Variants in NPHP1 observed in about 807,000 individuals in gnomAD.
NPHP1 encodes the protein nephrocystin 1.
A neutral mutation model predicts 90.4 loss-of-function variants in NPHP1; 70 were observed. The ratio of observed to expected loss-of-function variants is 0.77; its 90% CI spans 0.64 to 0.95. The LOEUF (loss-of-function observed/expected upper bound fraction) is 0.95. Ranked by LOEUF, NPHP1 falls within the 40% of genes least tolerant of loss-of-function variation. NPHP1 has a pLI of 0.00. For missense variants in NPHP1, 764 were observed against 795.9 expected, an observed-to-expected ratio of 0.96 and a Z score of 0.48; for synonymous variants, 256 against 271.7, an observed-to-expected ratio of 0.94 and a Z score of 0.57.
intron 11 of NPHP1, 95 bp downstream of exon 11, chr2:110,160,032 T>G: frequency 7.3e-7 from 1 of 1,363,642 alleles, no homozygotes; most frequent in Non-Finnish European, 1.0e-6. Context: ...AAAAATACTC[T>G]CTTGGGAATT....
intron 10 of NPHP1, among the ~76,000 whole-genome samples, chr2:110,160,611 G>C (rs1448607303): frequency 2.0e-5 from 3 of 152,134 alleles, no homozygotes; most frequent in Non-Finnish European, 4.4e-5. Flanking sequence ...GGCTAACGCA[G>C]CATAAAACCA....
intron 4 of NPHP1, among the ~76,000 whole-genome samples, chr2:110,174,200 T>C (rs936524650): frequency 6.6e-6 from 1 of 152,140 alleles, no homozygotes. Flanking sequence ...TTTGTTGTAA[T>C]TGGAGTGTTA....
At chr2:110,177,611 A>C (rs1483526602) in intron 4 of NPHP1, among the ~76,000 whole-genome samples, 2 of 152,080 alleles carry the variant, frequency 1.3e-5, no homozygotes, top group Non-Finnish European at 2.9e-5. Context: ...ACAATCCAAA[A>C]CTGAAGATAC....
chr2:110,127,286 A>G (rs1006654819), intron 18 of NPHP1: 2 of 152,176 alleles, frequency 1.3e-5, no homozygotes, highest in Non-Finnish European at 2.9e-5. Flanking sequence ...CCACTGATCC[A>G]TGCTGGATAC....
At chr2:110,181,412 G>T (rs1366277226) in intron 2 of NPHP1, among the ~76,000 whole-genome samples, 1 of 152,120 alleles carries the variant, frequency 6.6e-6, no homozygotes, top group African/African-American at 2.4e-5. Context: ...GTACTCTCCT[G>T]GGACAGAGCT....
chr2:110,124,776 A>G (rs932948320), intron 19 of NPHP1: 2 of 175,090 alleles, frequency 1.1e-5, no homozygotes, highest in African/African-American at 4.8e-5. Flanking sequence ...AGGCTGCTGT[A>G]CTAGAATAGC....
chr2:110,170,563 G>A (rs915859658), intron 4 of NPHP1, among the ~76,000 whole-genome samples: 15 of 152,238 alleles, frequency 9.9e-5, no homozygotes, highest in African/African-American at 2.6e-4. Flanking sequence ...GTCAAGTTCC[G>A]TGTCAGAGAG....
At chr2:110,188,046 G>A (rs532907815) in intron 2 of NPHP1, among the ~76,000 whole-genome samples, 343 of 152,078 alleles carry the variant, frequency 2.3e-3, no homozygotes, top group Non-Finnish European at 3.6e-3. Flanking sequence ...ATGACAAACC[G>A]ACAGCCAATA....
chr2:110,181,642 A>C (rs1463424708), intron 2 of NPHP1, among the ~76,000 whole-genome samples: 2 of 152,148 alleles, frequency 1.3e-5, no homozygotes, highest in Non-Finnish European at 2.9e-5. Flanking sequence ...AAGGTCAGCA[A>C]CCTCAAAGAT....
At chr2:110,149,739 C>T (rs895764616) in intron 12 of NPHP1, among the ~76,000 whole-genome samples, 1 of 152,126 alleles carries the variant, frequency 6.6e-6, no homozygotes, top group African/African-American at 2.4e-5. Flanking sequence ...CATCTTTGTC[C>T]TCCCTACGTC....
At chr2:110,125,577 T>G (rs1346036346) in intron 19 of NPHP1, 60 bp downstream of exon 19, 4 of 1,444,026 alleles carry the variant, frequency 2.8e-6, no homozygotes, top group South Asian at 1.1e-5. Context: ...ATGATTAGAA[T>G]AGGCAAGCAA....
At chr2:110,163,275 C>T in intron 8 of NPHP1, 140 bp from the exon 9 acceptor site, 1 of 687,334 alleles carries the variant, frequency 1.5e-6, no homozygotes, top group East Asian at 2.8e-5. Context: ...TACGATTTGG[C>T]CCCAAATTCC....
At position 110,142,519 on chromosome 2, in the gene NPHP1, AT is replaced by A. The variant is rs1211978722; in HGVS notation, c.1529+1022del. On this transcript the variant is annotated intron_variant, in intron 16 of 19. Coordinates refer to ENST00000445609, the MANE Select transcript of NPHP1 (RefSeq NM_001128178.3). ...AGGTGTGCATCACCATACCCAGCTA[AT>A]TTTTTTTTTTTGGTAGAGATGGGGT... Among the ~76,000 whole-genome samples the A allele has an allele frequency of 1.9e-3, 277 of 145,802 alleles. 1 individual carries two copies. Among genetic ancestry groups the A allele is most frequent in the African/African-American group, 4.5e-3 (179 of 39,996 alleles).
chr2:110,150,240 T>C lies in NPHP1; in HGVS notation c.1100A>G (p.His367Arg), dbSNP rs1313017398. 1.2e-6 allele frequency: 2 copies of C among 1,613,818 alleles called. No homozygotes were observed. The highest frequency in any genetic ancestry group is 1.7e-6 in the Non-Finnish European group (2 of 1,179,842). ...FDGNKVLSNI[H>R]TVRATWQPKK... ...AGGTTGCCATGTGGCTCTGACTGTA[T>C]GAATGTTGCTCAGAACCTGAAATGA... Residue 367 changes from histidine to arginine, a missense_variant, in exon 12 of 20, where the codon CAT becomes CGT. By Grantham distance (29) the His-to-Arg change is conservative. Coordinates refer to ENST00000445609, the MANE Select transcript of NPHP1 (RefSeq NM_001128178.3).
At chr2:110,178,590 A>C (rs1683674209) in intron 3 of NPHP1, 43 bp from the exon 4 acceptor site, 1 of 1,574,150 alleles carries the variant, frequency 6.4e-7, no homozygotes, top group Non-Finnish European at 8.6e-7. Flanking sequence ...AATTAATTTC[A>C]GTTTCCTAAT....
At chr2:110,136,182 A>C (rs1574069811) in intron 16 of NPHP1, among the ~76,000 whole-genome samples, 1 of 152,158 alleles carries the variant, frequency 6.6e-6, no homozygotes, top group South Asian at 2.1e-4. Context: ...TCAAAATAAT[A>C]AGAGCTATCT....
At chr2:110,165,219 C>T (rs898792358) in intron 6 of NPHP1, 64 bp from the exon 7 acceptor site, 3 of 1,220,140 alleles carry the variant, frequency 2.5e-6, no homozygotes, top group African/African-American at 3.0e-5. Context: ...ATAAAAATAC[C>T]AGTACTGCCA....
rs780236448 is a variant in NPHP1 at position 110,178,430 on chromosome 2, T to C, written c.322A>G (p.Ile108Val). ...GGTAGAAAGGAAGCATACTCAGTTA[T>C]ATTTTCTCTGCTTATTGTCACAGCA... ...GLAVTISREN[I>V]TEVGAPTEEE... The change falls in exon 4 of 20, where the codon ATA becomes GTA. Residue 108 changes from isoleucine to valine, a missense_variant. Ile to Val is a conservative substitution (Grantham distance 29, BLOSUM62 3). Transcript: ENST00000445609. The C allele has an allele frequency of 4.3e-6, 7 of 1,613,756 alleles. No individual in the cohort carries two copies. In the Admixed American group the frequency reaches 5.0e-5, roughly 12 times the overall value.
At chr2:110,174,568 C>G (rs1202581508) in intron 4 of NPHP1, among the ~76,000 whole-genome samples, 3 of 152,150 alleles carry the variant, frequency 2.0e-5, no homozygotes, top group Non-Finnish European at 2.9e-5. Flanking sequence ...GTCCTTGTAA[C>G]ATGCAGATTC....
Sources: gnomAD v4.1 joint callset for allele counts (sites outside exome capture counted in the v4.1 genomes callset) on GRCh38, gnomAD v4.1.1 for gene constraint, MANE v1.5 for transcripts, NCBI Gene and HGNC (gene_info 2026-07-23, HGNC 2026-07-21) for gene names.